Variants in TMEM132B observed in about 807,000 individuals in gnomAD.
TMEM132B encodes the protein transmembrane protein 132B.
In TMEM132B, 18 loss-of-function variants were observed where a neutral mutation model predicts 90.8. The observed-to-expected ratio is 0.20, with a 90% CI of 0.14 to 0.29. The LOEUF is 0.29. Among genes scored for constraint, TMEM132B ranks in the 10% least tolerant of loss-of-function variants. The probability of loss-of-function intolerance (pLI) is 1.00; values close to 1 mark genes in which losing one functional copy is unlikely to be tolerated. For synonymous variants in TMEM132B, 504 were observed against 523.3 expected (o/e 0.96, Z 0.50); for missense variants, 1,096 against 1,326.8 (o/e 0.83, Z 2.70).
At chr12:125,340,584 G>T (rs1467366856) in intron 1 of TMEM132B, among the ~76,000 whole-genome samples, 1 of 152,166 alleles carries the variant, frequency 6.6e-6, no homozygotes, top group Non-Finnish European at 1.5e-5. Flanking sequence ...CAAATTGTGT[G>T]CATTTGCCTT....
chr12:125,653,436 T>G, intron 8 of TMEM132B, 129 bp from the exon 9 acceptor site: 1 of 1,056,364 alleles, frequency 9.5e-7, no homozygotes, highest in African/African-American at 1.6e-5. Flanking sequence ...TAACAAGAAC[T>G]GTTCAAGATT....
intron 4 of TMEM132B, among the ~76,000 whole-genome samples, chr12:125,571,760 A>G (rs1250465317): frequency 6.6e-6 from 1 of 152,248 alleles, no homozygotes; most frequent in Non-Finnish European, 1.5e-5. Flanking sequence ...AGTTACACAC[A>G]TGATGATCCT....
intron 3 of TMEM132B, among the ~76,000 whole-genome samples, chr12:125,499,195 G>T (rs1284736172): frequency 6.6e-6 from 1 of 152,164 alleles, no homozygotes. Flanking sequence ...CTAGACATTT[G>T]ATCTTATATC....
rs144741422 is a variant in TMEM132B, at chr12:125,474,635, C to A, written c.1107-44804C>A. Among the ~76,000 whole-genome samples the A allele has an allele frequency of 1.9e-3, 282 of 152,246 alleles. 3 individuals are homozygous for A. Among genetic ancestry groups the A allele is most frequent in the African/African-American group, 6.2e-3 (256 of 41,550 alleles). ...ATTTTATTTGCTAATCTCTAGTGTT[C>A]CAGGCCAGATTCTCTTGATGGCAAC... On this transcript the variant is annotated intron_variant, in intron 3 of 8. Coordinates refer to ENST00000682704, the MANE Select transcript of TMEM132B (RefSeq NM_001366854.1).
rs546589513 is a variant in TMEM132B, at chr12:125,186,431, AGGCGGCGGCGGCGGCGGC to A, written c.-364_-347del. ...GGCGGCCGGCAGATGGCGATGGCAG[AGGCGGCGGCGGCGGCGGC>A]GGCGCGACCGGGATGGGACGGGCGC... On this transcript the variant is annotated 5_prime_UTR_variant, in exon 1 of 9. Transcript: ENST00000682704. The surrounding 1 kb of genome is among the most constrained non-coding windows in gnomAD (Gnocchi z 6.3). 6.9e-6 allele frequency among the ~76,000 whole-genome samples: 1 copy of A among 144,422 alleles called. No homozygotes were observed. The highest frequency in any genetic ancestry group is 2.1e-4 in the East Asian group (1 of 4,816). 94.7% of individuals were successfully genotyped at this position (144,422 alleles called of 152,430 possible). A position where few individuals can be genotyped will look rare whatever the true frequency, so the allele number is the denominator to read the frequency against.
chr12:125,622,573 C>T lies in TMEM132B; in HGVS notation c.1438-21503C>T, dbSNP rs937828751. On this transcript the variant is annotated intron_variant, in intron 5 of 8. Coordinates refer to ENST00000682704, the MANE Select transcript of TMEM132B (RefSeq NM_001366854.1). ...ATCAAGCCTTCCTCGGTGACTTGCT[C>T]AGCCTGACTGTGTTCTTATTTGCTG... 19 of 985,512 alleles carry T rather than the reference C, an allele frequency of 1.9e-5. No homozygotes were observed. The East Asian group carries it at 3.4e-4, about 18-fold the overall frequency. 61.0% of individuals were successfully genotyped at this position (985,512 alleles called of 1,614,324 possible).
At chr12:125,414,861 T>C (rs544168122) in intron 2 of TMEM132B, among the ~76,000 whole-genome samples, 50 of 152,306 alleles carry the variant, frequency 3.3e-4, no homozygotes, top group African/African-American at 1.2e-3. Flanking sequence ...GAGGATCATT[T>C]CAGGAGCAGT....
chr12:125,264,989 A>T (rs908257963), intron 1 of TMEM132B, among the ~76,000 whole-genome samples: 3 of 152,226 alleles, frequency 2.0e-5, no homozygotes, highest in Non-Finnish European at 4.4e-5. Context: ...AACATCACAA[A>T]GTATATTTAT....
chr12:125,398,095 G>C (rs1879216643), intron 2 of TMEM132B, among the ~76,000 whole-genome samples: 1 of 152,162 alleles, frequency 6.6e-6, no homozygotes, highest in Non-Finnish European at 1.5e-5. Context: ...GCAGGGGTGG[G>C]CATTATCTAG....
chr12:125,483,154 T>G (rs573467162), intron 3 of TMEM132B, among the ~76,000 whole-genome samples: 11 of 151,736 alleles, frequency 7.2e-5, no homozygotes, highest in Non-Finnish European at 1.6e-4. Context: ...AAATGACGAG[T>G]TAATGGGTGC....
chr12:125,647,696 A>G (rs960674956), intron 6 of TMEM132B, among the ~76,000 whole-genome samples: 6 of 152,200 alleles, frequency 3.9e-5, no homozygotes, highest in African/African-American at 1.4e-4. Context: ...CTAATGGAAC[A>G]GAAAAAATTA....
chr12:125,237,671 A>T (rs1490883267), intron 1 of TMEM132B, among the ~76,000 whole-genome samples: 5 of 151,754 alleles, frequency 3.3e-5, no homozygotes, highest in Non-Finnish European at 7.4e-5. Flanking sequence ...CTTGTCTCGA[A>T]CTCCTGGCCT....
chr12:125,518,093 A>G (rs1403415224), intron 3 of TMEM132B, among the ~76,000 whole-genome samples: 1 of 152,172 alleles, frequency 6.6e-6, no homozygotes, highest in Non-Finnish European at 1.5e-5. Context: ...TGTGGAGTAC[A>G]ATGTGGTTTC....
chr12:125,297,670 C>T (rs1322425916), intron 1 of TMEM132B, among the ~76,000 whole-genome samples: 2 of 152,318 alleles, frequency 1.3e-5, no homozygotes, highest in African/African-American at 2.4e-5. Context: ...AATATTCACA[C>T]CCAGTTCAGT....
chr12:125,480,357 A>G (rs578047417), intron 3 of TMEM132B, among the ~76,000 whole-genome samples: 2 of 152,206 alleles, frequency 1.3e-5, no homozygotes, highest in African/African-American at 4.8e-5. Flanking sequence ...TTGATAGACC[A>G]CTAGCAAGAC....
intron 1 of TMEM132B, among the ~76,000 whole-genome samples, chr12:125,289,941 C>A (rs1469752341): frequency 6.6e-6 from 1 of 152,210 alleles, no homozygotes; most frequent in African/African-American, 2.4e-5. Flanking sequence ...AGTCATGCTG[C>A]TGACATATCT....
In TMEM132B at chr12:125,459,576, A is replaced by G. The variant is rs536346045; in HGVS notation, c.1106+43899A>G. Among the ~76,000 whole-genome samples, 3 of 152,338 alleles carry G rather than the reference A, an allele frequency of 2.0e-5. No individual in the cohort carries two copies. Among genetic ancestry groups the G allele is most frequent in the East Asian group, 3.9e-4 (2 of 5,192 alleles). On this transcript the variant is annotated intron_variant, in intron 3 of 8. Coordinates refer to ENST00000682704, the MANE Select transcript of TMEM132B (RefSeq NM_001366854.1). The surrounding 1 kb of genome is among the most constrained non-coding windows in gnomAD (Gnocchi z 4.1). ...TCTAATGGGTACAAAAAATATAGTT[A>G]CAAAGAATGAATAAGACCTACTATT...
intron 1 of TMEM132B, among the ~76,000 whole-genome samples, chr12:125,302,665 AT>A (rs1244581811): frequency 1.3e-5 from 2 of 152,134 alleles, no homozygotes; most frequent in Admixed American, 1.3e-4. Context: ...TTTAAAATTT[AT>A]TTTTGTAATA....
intron 1 of TMEM132B, among the ~76,000 whole-genome samples, chr12:125,194,592 T>G (rs1872885021): frequency 6.6e-6 from 1 of 152,150 alleles, no homozygotes; most frequent in African/African-American, 2.4e-5. Flanking sequence ...TTGTGTACTC[T>G]GCCGACGTAT....
Sources: gnomAD v4.1 joint callset for allele counts (sites outside exome capture counted in the v4.1 genomes callset) on GRCh38, gnomAD v4.1.1 for gene constraint, Gnocchi (gnomAD v3.1) non-coding constraint, MANE v1.5 for transcripts, NCBI Gene and HGNC (gene_info 2026-07-23, HGNC 2026-07-21) for gene names.